Variants in GALNTL6 observed in about 807,000 individuals in gnomAD.
The protein encoded by GALNTL6 is polypeptide N-acetylgalactosaminyltransferase-like 6.
In GALNTL6, 46 loss-of-function variants were observed where a neutral mutation model predicts 73.7. The observed-to-expected ratio is 0.62, with a 90% CI of 0.49 to 0.80. The LOEUF (loss-of-function observed/expected upper bound fraction) is 0.80, where lower values mean the gene tolerates loss of function less well. Among genes scored for constraint, GALNTL6 ranks in the 30% least tolerant of loss-of-function variants. The pLI, the probability that GALNTL6 is intolerant of heterozygous loss-of-function variation, is 0.00. For synonymous variants in GALNTL6, 259 were observed against 263.7 expected (o/e 0.98, Z 0.17); for missense variants, 604 against 755.0 (o/e 0.80, Z 2.34).
chr4:172,687,272 A>G (rs991971246), intron 5 of GALNTL6, among the ~76,000 whole-genome samples: 1 of 152,110 alleles, frequency 6.6e-6, no homozygotes, highest in African/African-American at 2.4e-5. Context: ...CATCTGCAAT[A>G]TATTTGATAA....
intron 3 of GALNTL6, among the ~76,000 whole-genome samples, chr4:172,266,764 T>C (rs1738467031): frequency 1.3e-5 from 2 of 152,144 alleles, no homozygotes; most frequent in African/African-American, 2.4e-5. Context: ...TTTAAATGCT[T>C]TCCATTTCTG....
intron 9 of GALNTL6, among the ~76,000 whole-genome samples, chr4:172,947,177 T>C (rs1340483599): frequency 6.6e-6 from 1 of 151,924 alleles, no homozygotes; most frequent in Non-Finnish European, 1.5e-5. Flanking sequence ...TGCCTGAAAA[T>C]CTTCAGTAAA....
chr4:172,570,043 T>C (rs527472063), intron 5 of GALNTL6, among the ~76,000 whole-genome samples: 2 of 152,304 alleles, frequency 1.3e-5, no homozygotes, highest in South Asian at 2.1e-4. Flanking sequence ...TTGGAGTTCA[T>C]TGATGATCTT....
chr4:172,996,401 G>A (rs1483217072), intron 10 of GALNTL6, among the ~76,000 whole-genome samples: 2 of 151,954 alleles, frequency 1.3e-5, no homozygotes, highest in Non-Finnish European at 2.9e-5. Context: ...GGTGGAGGGT[G>A]GGAGGAAGGA....
intron 7 of GALNTL6, among the ~76,000 whole-genome samples, chr4:172,879,765 G>T (rs1015166791): frequency 2.0e-5 from 3 of 151,570 alleles, no homozygotes; most frequent in East Asian, 3.9e-4. Flanking sequence ...AAATAATAAA[G>T]ACTAAAGAGA....
intron 2 of GALNTL6, among the ~76,000 whole-genome samples, chr4:172,066,534 A>AT (rs1491426527): frequency 0.013 from 1,397 of 109,098 alleles, 19 homozygotes; most frequent in African/African-American, 0.038. Flanking sequence ...TCTGACCTGG[A>AT]CTTTTTTTTT....
intron 2 of GALNTL6, among the ~76,000 whole-genome samples, chr4:172,190,434 T>C (rs1328388205): frequency 1.3e-5 from 2 of 152,138 alleles, no homozygotes; most frequent in Non-Finnish European, 2.9e-5. Flanking sequence ...GTGTATGTTT[T>C]CAACTATAGT....
chr4:172,997,368 G>A (rs927748380), intron 10 of GALNTL6, among the ~76,000 whole-genome samples: 6 of 152,088 alleles, frequency 3.9e-5, no homozygotes, highest in African/African-American at 7.2e-5. Context: ...CTACTTTCTC[G>A]GAGCCTCAGT....
intron 3 of GALNTL6, among the ~76,000 whole-genome samples, chr4:172,251,736 A>G (rs753990396): frequency 6.6e-6 from 1 of 152,214 alleles, no homozygotes; most frequent in Non-Finnish European, 1.5e-5. Flanking sequence ...GCAAAAAGCA[A>G]CAGAATATTC....
At chr4:172,485,782 G>T (rs1733643610) in intron 5 of GALNTL6, among the ~76,000 whole-genome samples, 1 of 152,096 alleles carries the variant, frequency 6.6e-6, no homozygotes, top group Admixed American at 6.6e-5. Context: ...TTGACATCTT[G>T]AAACTATAAT....
chr4:172,405,316 C>T (rs1445696641), intron 5 of GALNTL6, among the ~76,000 whole-genome samples: 3 of 146,020 alleles, frequency 2.1e-5, no homozygotes, highest in Non-Finnish European at 4.5e-5. Context: ...ATACTTAATA[C>T]TTATATATAT....
intron 2 of GALNTL6, among the ~76,000 whole-genome samples, chr4:172,028,438 A>C (rs1340987853): frequency 1.3e-5 from 2 of 152,120 alleles, no homozygotes; most frequent in Non-Finnish European, 2.9e-5. Context: ...TGCTAATAAA[A>C]ACATTTAAAC....
chr4:171,827,862 T>A (rs1734866852), intron 2 of GALNTL6, among the ~76,000 whole-genome samples: 1 of 152,094 alleles, frequency 6.6e-6, no homozygotes, highest in African/African-American at 2.4e-5. Context: ...CCTGTGGATT[T>A]TTTTCAATAA....
At chr4:172,847,450 A>G (rs1346133412) in intron 7 of GALNTL6, among the ~76,000 whole-genome samples, 1 of 152,094 alleles carries the variant, frequency 6.6e-6, no homozygotes, top group African/African-American at 2.4e-5. Flanking sequence ...TTTTTTGTAA[A>G]CAGAAGATGA....
chr4:172,522,480 T>C (rs2110821037), intron 5 of GALNTL6, among the ~76,000 whole-genome samples: 1 of 152,188 alleles, frequency 6.6e-6, no homozygotes, highest in African/African-American at 2.4e-5. Context: ...AGATTAGCCT[T>C]ACCAACATAG....
chr4:172,771,796 T>G (rs1738778358), intron 5 of GALNTL6, among the ~76,000 whole-genome samples: 1 of 152,236 alleles, frequency 6.6e-6, no homozygotes, highest in Non-Finnish European at 1.5e-5. Flanking sequence ...CTTAAATGCA[T>G]TAAAGTTTGA....
At chr4:172,503,407 T>C (rs1734330964) in intron 5 of GALNTL6, among the ~76,000 whole-genome samples, 1 of 151,806 alleles carries the variant, frequency 6.6e-6, no homozygotes, top group African/African-American at 2.4e-5. Flanking sequence ...CTTTGGTTCC[T>C]ATGTTATATT....
At chr4:172,772,228 G>A (rs1381688720) in intron 5 of GALNTL6, among the ~76,000 whole-genome samples, 2 of 152,160 alleles carry the variant, frequency 1.3e-5, no homozygotes, top group East Asian at 3.9e-4. Context: ...AATGAGATTT[G>A]TGTGGGGACA....
At chr4:172,924,162 C>T (rs928180479) in intron 8 of GALNTL6, among the ~76,000 whole-genome samples, 2 of 152,150 alleles carry the variant, frequency 1.3e-5, no homozygotes, top group African/African-American at 4.8e-5. Flanking sequence ...TCTCAGGGTG[C>T]GCCTGGCCCA....
Sources: allele counts gnomAD v4.1 joint callset (sites outside exome capture counted in the v4.1 genomes callset), GRCh38; gene constraint gnomAD v4.1.1; transcripts MANE v1.5; gene names NCBI Gene and HGNC (gene_info 2026-07-23, HGNC 2026-07-21).